CDH13: variants seen among roughly 807,000 people sequenced by gnomAD.
CDH13 encodes cadherin 13, also known as cadherin-13.
A neutral mutation model predicts 63.8 loss-of-function variants in CDH13; 24 were observed. The observed-to-expected ratio is 0.38, with a 90% CI of 0.27 to 0.53. The LOEUF (loss-of-function observed/expected upper bound fraction) is 0.53. CDH13 is among the 20% of genes least tolerant of loss of function. The pLI is 0.85. For missense variants in CDH13, 1,049 were observed against 903.1 expected (o/e 1.16, Z -2.07); for synonymous variants, 503 against 355.3 (o/e 1.42, Z -4.67).
At chr16:82,854,173 G>A (rs2039599121) in intron 1 of CDH13, among the ~76,000 whole-genome samples, 1 of 152,112 alleles carries the variant, frequency 6.6e-6, no homozygotes, top group East Asian at 1.9e-4. Flanking sequence ...GCCGAGGCAG[G>A]CGGATCACGA....
At chr16:83,445,625 C>A (rs1352494137) in intron 6 of CDH13, among the ~76,000 whole-genome samples, 2 of 152,148 alleles carry the variant, frequency 1.3e-5, no homozygotes, top group African/African-American at 2.4e-5. Context: ...ATTTTGTTAG[C>A]GATAAAGACC....
chr16:83,547,862 T>C (rs879864924), intron 7 of CDH13, among the ~76,000 whole-genome samples: 6 of 152,090 alleles, frequency 3.9e-5, no homozygotes, highest in Non-Finnish European at 8.8e-5. Flanking sequence ...AGTGGGAAGC[T>C]GTGGCCTGCA....
intron 10 of CDH13, among the ~76,000 whole-genome samples, chr16:83,694,274 C>T (rs1030498301): frequency 3.9e-5 from 6 of 152,230 alleles, no homozygotes; most frequent in African/African-American, 1.4e-4. Context: ...CCACATCACT[C>T]ATGCAAGAGC....
chr16:83,725,266 G>A (rs900440790), intron 10 of CDH13, among the ~76,000 whole-genome samples: 1 of 152,210 alleles, frequency 6.6e-6, no homozygotes, highest in Non-Finnish European at 1.5e-5. Context: ...AAGAGAGCTA[G>A]ATCCGTTCAC....
At chr16:83,193,853 C>T (rs180675771) in intron 4 of CDH13, among the ~76,000 whole-genome samples, 133 of 152,250 alleles carry the variant, frequency 8.7e-4, no homozygotes, top group Admixed American at 2.0e-3. Context: ...ATAGGGCTAA[C>T]GATGCCTATT....
chr16:82,913,471 A>G (rs1459012814), intron 2 of CDH13, among the ~76,000 whole-genome samples: 2 of 152,184 alleles, frequency 1.3e-5, no homozygotes, highest in Non-Finnish European at 2.9e-5. Flanking sequence ...ATTAAAGGGA[A>G]TATGTGGAAA....
intron 2 of CDH13, among the ~76,000 whole-genome samples, chr16:82,926,756 G>A (rs1159498441): frequency 6.6e-6 from 1 of 152,178 alleles, no homozygotes; most frequent in African/African-American, 2.4e-5. Context: ...TGGACAGGAG[G>A]ACTTCAACCA....
chr16:83,624,688 A>C (rs1037567555), intron 8 of CDH13, among the ~76,000 whole-genome samples: 1 of 152,076 alleles, frequency 6.6e-6, no homozygotes, highest in Non-Finnish European at 1.5e-5. Context: ...CCGCAGCCCC[A>C]GGGGTTGGGG....
At chr16:82,821,722 T>C (rs2038008301) in intron 1 of CDH13, among the ~76,000 whole-genome samples, 1 of 152,226 alleles carries the variant, frequency 6.6e-6, no homozygotes, top group South Asian at 2.1e-4. Flanking sequence ...ACTATGACCC[T>C]GTTTGGGGAC....
intron 7 of CDH13, among the ~76,000 whole-genome samples, chr16:83,554,919 C>CTTTTTT (rs200979734): frequency 7.5e-6 from 1 of 133,806 alleles, no homozygotes; most frequent in Admixed American, 7.5e-5. Context: ...ACTGCTGAAT[C>CTTTTTT]TTTTTTTTTT....
chr16:82,834,908 A>G (rs2038700776), intron 1 of CDH13, among the ~76,000 whole-genome samples: 1 of 152,160 alleles, frequency 6.6e-6, no homozygotes, highest in Non-Finnish European at 1.5e-5. Flanking sequence ...TAAAATCCTT[A>G]ATTTTGCCTC....
rs76984870 is a variant in CDH13 at position 82,974,889 on chromosome 16, A to G, written c.158-57121A>G. On this transcript the variant is annotated intron_variant, in intron 2 of 13. Transcript: ENST00000567109. ...TAATACATTTGTGTTGCTTTAAGCC[A>G]TTAAGTTCCTGGGGATTTGTTACAG... is the stretch of plus-strand genomic sequence containing the variant. Among the ~76,000 whole-genome samples the G allele has an allele frequency of 2.9e-3, 444 of 152,314 alleles. 3 individuals carry two copies. Among genetic ancestry groups the G allele is most frequent in the African/African-American group, 0.01 (430 of 41,566 alleles).
intron 3 of CDH13, among the ~76,000 whole-genome samples, chr16:83,081,619 G>A (rs1373996445): frequency 6.6e-6 from 1 of 152,086 alleles, no homozygotes; most frequent in Non-Finnish European, 1.5e-5. Flanking sequence ...CAGCAGGGTA[G>A]GGTTTTTGGG....
chr16:82,929,693 C>T (rs1037784788), intron 2 of CDH13, among the ~76,000 whole-genome samples: 11 of 119,430 alleles, frequency 9.2e-5, no homozygotes, highest in African/African-American at 2.7e-4. Flanking sequence ...AGAAGACAGC[C>T]GTTGATGAAC....
chr16:82,664,351 A>C (rs1392882471), intron 1 of CDH13, among the ~76,000 whole-genome samples: 2 of 152,212 alleles, frequency 1.3e-5, no homozygotes, highest in Non-Finnish European at 2.9e-5. Flanking sequence ...GATTTGCACT[A>C]GCTGATTAGT....
rs1284990970 is a variant in CDH13, at chr16:83,568,052, G to A, written c.961-34402G>A. Among the ~76,000 whole-genome samples the A allele has an allele frequency of 2.6e-5, 4 of 152,136 alleles. No homozygotes were observed. The South Asian group carries it at 6.2e-4, about 24-fold the overall frequency. On this transcript the variant is annotated intron_variant, in intron 7 of 13. Transcript: ENST00000567109. ...CCAAACCCAGCTCACAAGCAGGCAGGATGCGCACCAACTGTCCGGTTAGCA... is the reference window on the plus strand; with the variant it reads ...CCAAACCCAGCTCACAAGCAGGCAGAATGCGCACCAACTGTCCGGTTAGCA...
intron 5 of CDH13, among the ~76,000 whole-genome samples, chr16:83,227,766 C>G (rs1229228023): frequency 6.6e-6 from 1 of 152,162 alleles, no homozygotes; most frequent in African/African-American, 2.4e-5. Context: ...GAGCCAGCGT[C>G]CACGCCAGGC....
At chr16:83,393,304 C>T (rs938137234) in intron 6 of CDH13, among the ~76,000 whole-genome samples, 1 of 152,060 alleles carries the variant, frequency 6.6e-6, no homozygotes. Flanking sequence ...ATTGTTCTTG[C>T]CTCCAGGAAG....
At chr16:83,156,699 C>T (rs1275217748) in intron 4 of CDH13, among the ~76,000 whole-genome samples, 1 of 152,192 alleles carries the variant, frequency 6.6e-6, no homozygotes, top group Non-Finnish European at 1.5e-5. Flanking sequence ...CGACATGAAA[C>T]CAGGCTTTGA....
Sources: gnomAD v4.1 joint callset for allele counts (sites outside exome capture counted in the v4.1 genomes callset) on GRCh38, gnomAD v4.1.1 for gene constraint, MANE v1.5 for transcripts, NCBI Gene and HGNC (gene_info 2026-07-23, HGNC 2026-07-21) for gene names.